The following PHLDB2 variants were observed in gnomAD, a reference collection of about 807,000 sequenced individuals.
PHLDB2 encodes the protein pleckstrin homology-like domain family B member 2.
PHLDB2 carries 71 observed loss-of-function variants against 123.6 expected under a neutral mutation model. The observed-to-expected ratio is 0.57, with a 90% CI of 0.47 to 0.70. PHLDB2 has a LOEUF of 0.70. Ranked by LOEUF, PHLDB2 falls within the 30% of genes least tolerant of loss-of-function variation. The probability of loss-of-function intolerance (pLI) is 0.00; values close to 1 mark genes in which losing one functional copy is unlikely to be tolerated. For missense variants in PHLDB2, 1,446 were observed against 1,519.5 expected (o/e 0.95, Z 0.80); for synonymous variants, 547 against 541.6 (o/e 1.01, Z -0.14).
chr3:111,944,677 T>G (rs553608609), intron 8 of PHLDB2, among the ~76,000 whole-genome samples: 9 of 152,086 alleles, frequency 5.9e-5, no homozygotes, highest in South Asian at 2.1e-4. Context: ...TTGGTTTTTT[T>G]TTTGTTTGTT....
rs967361412 is a variant in PHLDB2 at position 111,952,489 on chromosome 3, G to A, written c.2632-83G>A. 1.3e-5 allele frequency: 19 copies of A among 1,453,130 alleles called. No homozygotes were observed. The African/African-American group carries it at 2.7e-4, about 21-fold the overall frequency. 90.0% of individuals were successfully genotyped at this position (1,453,130 alleles called of 1,614,324 possible). ...TTCTGTTAAAATTCCAGTTTTTTTT[G>A]TAAGTGCATAATTCTTCATTTCTTC... is the stretch of plus-strand genomic sequence containing the variant. On this transcript the variant is annotated intron_variant, in intron 10 of 17. Coordinates refer to ENST00000431670, the MANE Select transcript of PHLDB2 (RefSeq NM_001134438.2).
At chr3:111,847,526 T>C (rs893403211) in intron 2 of PHLDB2, among the ~76,000 whole-genome samples, 2 of 152,156 alleles carry the variant, frequency 1.3e-5, no homozygotes, top group African/African-American at 4.8e-5. Flanking sequence ...AGTGGAAGCT[T>C]TAAGTACTGA....
intron 2 of PHLDB2, among the ~76,000 whole-genome samples, chr3:111,847,883 G>A (rs1294306365): frequency 6.6e-6 from 1 of 152,186 alleles, no homozygotes; most frequent in Non-Finnish European, 1.5e-5. Context: ...GGTTGAGGAG[G>A]ACTTGAGGGA....
At chr3:111,741,541 C>CTGTG (rs933150583) in intron 1 of PHLDB2, among the ~76,000 whole-genome samples, 6 of 151,118 alleles carry the variant, frequency 4.0e-5, no homozygotes, top group African/African-American at 1.5e-4. Flanking sequence ...GTGCATGTCT[C>CTGTG]TGTGTGTGTG....
At chr3:111,973,653 G>T (rs1227221820) in intron 16 of PHLDB2, 79 bp from the exon 17 acceptor site, 5 of 768,822 alleles carry the variant, frequency 6.5e-6, no homozygotes, top group African/African-American at 5.4e-5. Flanking sequence ...ATATTTTAAT[G>T]ATTATAATTG....
chr3:111,940,384 G>T, intron 7 of PHLDB2, 151 bp from the exon 8 acceptor site: 1 of 478,946 alleles, frequency 2.1e-6, no homozygotes. Flanking sequence ...ATGCCTCACA[G>T]TCTCTTGGTA....
At chr3:111,858,721 C>T (rs2064633737), upstream of PHLDB2, among the ~76,000 whole-genome samples, 1 of 152,116 alleles carries the variant, frequency 6.6e-6, no homozygotes, top group African/African-American at 2.4e-5. Flanking sequence ...AACAACTTGC[C>T]CAAAGCCACA....
intron 1 of PHLDB2, among the ~76,000 whole-genome samples, chr3:111,872,821 AT>A (rs1003194238): frequency 1.3e-5 from 2 of 152,220 alleles, no homozygotes; most frequent in Non-Finnish European, 2.9e-5. Context: ...TTTGAGTTGA[AT>A]TGATTTGTAA....
chr3:111,801,309 G>T (rs991694134), intron 1 of PHLDB2, among the ~76,000 whole-genome samples: 1 of 152,100 alleles, frequency 6.6e-6, no homozygotes, highest in Non-Finnish European at 1.5e-5. Context: ...TCATGAAGCA[G>T]GCCTCCCTCC....
intron 2 of PHLDB2, among the ~76,000 whole-genome samples, chr3:111,894,229 A>G (rs1219173480): frequency 6.6e-6 from 1 of 151,960 alleles, no homozygotes; most frequent in Non-Finnish European, 1.5e-5. Context: ...GTCCCTACAA[A>G]GGACATGAAT....
chr3:111,934,383 C>A (rs1004342729), intron 6 of PHLDB2, among the ~76,000 whole-genome samples: 12 of 152,132 alleles, frequency 7.9e-5, no homozygotes, highest in Non-Finnish European at 1.8e-4. Context: ...TCAAACACTT[C>A]AAAATATGAC....
intron 12 of PHLDB2, among the ~76,000 whole-genome samples, chr3:111,958,465 T>C (rs770538238): frequency 3.9e-5 from 6 of 152,222 alleles, no homozygotes; most frequent in Non-Finnish European, 7.3e-5. Context: ...TGTGTAATCG[T>C]TAACTCACAA....
chr3:111,866,927 AGG>A (rs1280625885), intron 1 of PHLDB2, among the ~76,000 whole-genome samples: 21 of 51,704 alleles, frequency 4.1e-4, no homozygotes, highest in Admixed American at 9.1e-4. Context: ...TAAGTTTCTA[AGG>A]GGTGTGTGTG....
chr3:111,816,612 T>C (rs1389800874), intron 1 of PHLDB2, among the ~76,000 whole-genome samples: 3 of 152,180 alleles, frequency 2.0e-5, no homozygotes, highest in Admixed American at 1.3e-4. Flanking sequence ...TAGGAAGTAA[T>C]TAACTTGCTT....
At chr3:111,786,628 A>G (rs993882878) in intron 1 of PHLDB2, among the ~76,000 whole-genome samples, 2 of 152,174 alleles carry the variant, frequency 1.3e-5, no homozygotes, top group African/African-American at 2.4e-5. Flanking sequence ...GATAAGACAG[A>G]GCATCGGCAA....
intron 1 of PHLDB2, among the ~76,000 whole-genome samples, chr3:111,759,365 G>C (rs2059955816): frequency 6.6e-6 from 1 of 152,274 alleles, no homozygotes; most frequent in Non-Finnish European, 1.5e-5. Context: ...TCTTTTGTAA[G>C]GGTACCAATC....
chr3:111,953,809 A>G, intron 11 of PHLDB2, 121 bp from the exon 12 acceptor site: 1 of 712,384 alleles, frequency 1.4e-6, no homozygotes, highest in Non-Finnish European at 2.2e-6. Context: ...ATGAAATGCA[A>G]AGACTTACCT....
chr3:111,958,518 C>A (rs1338093431), intron 12 of PHLDB2, among the ~76,000 whole-genome samples: 1 of 152,106 alleles, frequency 6.6e-6, no homozygotes. Context: ...TAGAGACTGG[C>A]ATTAAAAATA....
intron 2 of PHLDB2, among the ~76,000 whole-genome samples, chr3:111,910,751 CAG>C (rs1391394842): frequency 2.6e-5 from 4 of 152,220 alleles, no homozygotes; most frequent in Admixed American, 6.5e-5. Flanking sequence ...AATTTCTGTT[CAG>C]AGTTTTCCTT....
Sources: gnomAD v4.1 joint callset for allele counts (sites outside exome capture counted in the v4.1 genomes callset) on GRCh38, gnomAD v4.1.1 for gene constraint, MANE v1.5 for transcripts, NCBI Gene and HGNC (gene_info 2026-07-23, HGNC 2026-07-21) for gene names.